The following ABI3BP variants were observed in gnomAD, a reference collection of about 807,000 sequenced individuals.
ABI3BP encodes ABI family member 3 binding protein.
A neutral mutation model predicts 268.6 loss-of-function variants in ABI3BP; 216 were observed. The ratio of observed to expected loss-of-function variants is 0.80; its 90% CI spans 0.72 to 0.90. The LOEUF (loss-of-function observed/expected upper bound fraction) is 0.90, where lower values mean the gene tolerates loss of function less well. Among genes scored for constraint, ABI3BP ranks in the 40% least tolerant of loss-of-function variants. ABI3BP has a pLI of 0.00. For missense variants in ABI3BP, 2,090 were observed against 2,182.4 expected, an observed-to-expected ratio of 0.96 and a Z score of 0.84; for synonymous variants, 730 against 730.0, an observed-to-expected ratio of 1.00 and a Z score of 0.00.
chr3:100,974,382 G>A (rs753547245), intron 1 of ABI3BP, among the ~76,000 whole-genome samples: 1 of 152,214 alleles, frequency 6.6e-6, no homozygotes, highest in Non-Finnish European at 1.5e-5. Context: ...GAATGAGCAA[G>A]TGGCTGCATG....
intron 1 of ABI3BP, among the ~76,000 whole-genome samples, chr3:100,964,555 C>T (rs148346783): frequency 7.9e-5 from 12 of 152,276 alleles, no homozygotes; most frequent in African/African-American, 1.9e-4. Flanking sequence ...CATGCAACAA[C>T]GAACTCCAGG....
chr3:100,752,978 A>G (rs758031561), intron 65 of ABI3BP, 30 bp from the exon 66 acceptor site: 7 of 1,587,146 alleles, frequency 4.4e-6, no homozygotes, highest in African/African-American at 1.4e-5. Flanking sequence ...TGAGTTTAGT[A>G]TCTGACTCTT....
chr3:100,963,388 A>G (rs2079891556), intron 1 of ABI3BP, among the ~76,000 whole-genome samples: 1 of 152,156 alleles, frequency 6.6e-6, no homozygotes, highest in South Asian at 2.1e-4. Context: ...TCAAATCTGT[A>G]TATTTTCACT....
At chr3:100,936,795 T>C (rs1053175115) in intron 1 of ABI3BP, among the ~76,000 whole-genome samples, 1 of 152,142 alleles carries the variant, frequency 6.6e-6, no homozygotes, top group South Asian at 2.1e-4. Flanking sequence ...CTGATGGTAG[T>C]TTTTATTTCT....
chr3:100,770,178 T>A (rs2096496049), intron 62 of ABI3BP, among the ~76,000 whole-genome samples: 1 of 152,194 alleles, frequency 6.6e-6, no homozygotes, highest in Non-Finnish European at 1.5e-5. Context: ...TCCTCTTCGT[T>A]ATGGAGAATC....
At chr3:100,889,110 G>C (rs138775090) in intron 4 of ABI3BP, among the ~76,000 whole-genome samples, 387 of 152,006 alleles carry the variant, frequency 2.5e-3, no homozygotes, top group African/African-American at 9.1e-3. Context: ...ATTGCATAAC[G>C]CACCACTCCT....
intron 1 of ABI3BP, among the ~76,000 whole-genome samples, chr3:100,988,775 G>A (rs942631713): frequency 2.0e-5 from 3 of 152,242 alleles, no homozygotes; most frequent in Middle Eastern, 3.4e-3. Context: ...AGTGCTCTGT[G>A]TATACATCCA....
At chr3:100,773,077 C>CAAAAAAA in intron 61 of ABI3BP, among the ~76,000 whole-genome samples, 1 of 58,130 alleles carries the variant, frequency 1.7e-5, no homozygotes, top group East Asian at 3.4e-4. Flanking sequence ...GAGTCCATCT[C>CAAAAAAA]AAAAAAAAAA....
chr3:100,895,908 G>A (rs1644747016), intron 4 of ABI3BP, among the ~76,000 whole-genome samples: 1 of 152,064 alleles, frequency 6.6e-6, no homozygotes, highest in South Asian at 2.1e-4. Flanking sequence ...TTTTAAATCG[G>A]GGCTATTATT....
chr3:100,858,841 C>T (rs2098966133), intron 14 of ABI3BP, among the ~76,000 whole-genome samples: 1 of 152,170 alleles, frequency 6.6e-6, no homozygotes, highest in Non-Finnish European at 1.5e-5. Flanking sequence ...CAGACAAAAA[C>T]ATGAACATCA....
At chr3:100,804,228 A>T (rs1028895287) in intron 51 of ABI3BP, among the ~76,000 whole-genome samples, 1 of 152,208 alleles carries the variant, frequency 6.6e-6, no homozygotes, top group African/African-American at 2.4e-5. Context: ...ATATGTGAAC[A>T]AAAGGCCTTC....
chr3:100,818,447 T>C (rs1356287900), intron 41 of ABI3BP, 78 bp downstream of exon 41: 3 of 1,198,098 alleles, frequency 2.5e-6, no homozygotes, highest in Non-Finnish European at 3.6e-6. Context: ...GATGGTCTTA[T>C]GATGAAGAAG....
chr3:100,866,854 G>A, intron 10 of ABI3BP, 25 bp downstream of exon 10: 1 of 1,601,524 alleles, frequency 6.2e-7, no homozygotes, highest in Non-Finnish European at 8.5e-7. Flanking sequence ...TTTTCTCAAG[G>A]TCAACAACAT....
At chr3:100,807,174 T>C (rs2097733469) in intron 50 of ABI3BP, among the ~76,000 whole-genome samples, 1 of 151,980 alleles carries the variant, frequency 6.6e-6, no homozygotes, top group Non-Finnish European at 1.5e-5. Flanking sequence ...TTTTGTCTGC[T>C]ATTTTTAACG....
chr3:100,937,093 G>T (rs769172739), intron 1 of ABI3BP, among the ~76,000 whole-genome samples: 1 of 152,002 alleles, frequency 6.6e-6, no homozygotes, highest in Non-Finnish European at 1.5e-5. Flanking sequence ...GCAGGTCATA[G>T]TTTGCCAACT....
At chr3:100,955,000 T>TA (rs1554202816) in intron 1 of ABI3BP, among the ~76,000 whole-genome samples, 1 of 108,208 alleles carries the variant, frequency 9.2e-6, no homozygotes, top group African/African-American at 3.6e-5. Context: ...TTTTTTTTTT[T>TA]ACGAATCATA....
At chr3:100,838,351 T>A in intron 25 of ABI3BP, 51 bp downstream of exon 25, 7 of 1,526,018 alleles carry the variant, frequency 4.6e-6, no homozygotes, top group Non-Finnish European at 6.2e-6. Context: ...TTAATGTTAC[T>A]TACACATTGT....
intron 2 of ABI3BP, among the ~76,000 whole-genome samples, chr3:100,912,845 G>A (rs1352867040): frequency 6.6e-6 from 1 of 152,188 alleles, no homozygotes; most frequent in African/African-American, 2.4e-5. Context: ...GACCTCCTAA[G>A]TGTGGCCATG....
intron 55 of ABI3BP, among the ~76,000 whole-genome samples, chr3:100,790,103 T>C (rs2097158045): frequency 6.6e-6 from 1 of 151,938 alleles, no homozygotes; most frequent in Admixed American, 6.6e-5. Flanking sequence ...GCCCTGCCTA[T>C]CAAAAGAGGA....
Sources: gnomAD v4.1 joint callset for allele counts (sites outside exome capture counted in the v4.1 genomes callset) on GRCh38, gnomAD v4.1.1 for gene constraint, MANE v1.5 for transcripts, NCBI Gene and HGNC (gene_info 2026-07-23, HGNC 2026-07-21) for gene names.